Variants in SS18 observed in about 807,000 individuals in gnomAD.
SS18 encodes the protein protein SSXT.
Under a neutral mutation model 72.5 loss-of-function variants are expected in SS18, and 28 were observed. The ratio of observed to expected loss-of-function variants is 0.39; its 90% CI spans 0.29 to 0.53. SS18 has a LOEUF of 0.53. SS18 is among the 20% of genes least tolerant of loss of function. The probability of loss-of-function intolerance (pLI) is 0.76; values close to 1 mark genes in which losing one functional copy is unlikely to be tolerated. For synonymous variants in SS18, 172 were observed against 164.2 expected (o/e 1.05, Z -0.37); for missense variants, 518 against 535.3 (o/e 0.97, Z 0.32).
intron 3 of SS18, among the ~76,000 whole-genome samples, chr18:26,063,410 T>C (rs1426238403): frequency 6.6e-6 from 1 of 152,070 alleles, no homozygotes; most frequent in East Asian, 1.9e-4. Context: ...TCCCAGCTAC[T>C]CAGGAGGCTG....
chr18:26,053,142 T>C (rs2053952393), intron 4 of SS18, among the ~76,000 whole-genome samples: 2 of 152,172 alleles, frequency 1.3e-5, no homozygotes, highest in African/African-American at 4.8e-5. Context: ...ACTATGAACA[T>C]AAATGAATAG....
At chr18:26,085,238 T>G (rs997953624) in intron 2 of SS18, among the ~76,000 whole-genome samples, 21 of 152,220 alleles carry the variant, frequency 1.4e-4, no homozygotes, top group Non-Finnish European at 1.3e-4. Context: ...TTATCACTGT[T>G]GCCCAGGCTG....
At chr18:26,055,282 C>T (rs1018665775) in intron 4 of SS18, among the ~76,000 whole-genome samples, 1 of 151,944 alleles carries the variant, frequency 6.6e-6, no homozygotes, top group African/African-American at 2.4e-5. Context: ...GCCTGGCCAA[C>T]ATGGTGAAAC....
At chr18:26,054,879 T>A (rs1459011183) in intron 4 of SS18, among the ~76,000 whole-genome samples, 1 of 152,048 alleles carries the variant, frequency 6.6e-6, no homozygotes, top group Non-Finnish European at 1.5e-5. Flanking sequence ...TAGCTGGGAT[T>A]ACAAGTGTGT....
intron 5 of SS18, among the ~76,000 whole-genome samples, chr18:26,045,125 C>G (rs1020353703): frequency 1.3e-5 from 2 of 152,218 alleles, no homozygotes; most frequent in African/African-American, 2.4e-5. Context: ...TTAAATACAA[C>G]AAGAGCCTCT....
intron 3 of SS18, among the ~76,000 whole-genome samples, chr18:26,066,748 A>G (rs2054226803): frequency 2.0e-5 from 3 of 152,110 alleles, no homozygotes. Flanking sequence ...TTCCTAAGAT[A>G]TTTGAAAAAG....
intron 5 of SS18, 43 bp downstream of exon 5, chr18:26,052,581 C>A (rs760521547): frequency 6.7e-7 from 1 of 1,500,686 alleles, no homozygotes; most frequent in Non-Finnish European, 9.3e-7. Context: ...TTTTCAAAGG[C>A]TAATAGAGCA....
intron 5 of SS18, among the ~76,000 whole-genome samples, chr18:26,043,920 A>G (rs561846577): frequency 6.6e-6 from 1 of 152,352 alleles, no homozygotes; most frequent in Admixed American, 6.5e-5. Flanking sequence ...ATTAAAAATA[A>G]TATCAATAAC....
Position 26,035,767 on chromosome 18 carries a change from G to A in SS18, c.973+64C>T. ...TTTGCATGGGTAGAAGTTGTCTTATGCAAGAATTTTCATTCCTGTAGAAGG... is the reference window on the plus strand; with the variant it reads ...TTTGCATGGGTAGAAGTTGTCTTATACAAGAATTTTCATTCCTGTAGAAGG... On this transcript the variant is annotated intron_variant, in intron 8 of 10. Transcript: ENST00000415083. This position sits in a 1 kb window ranked among gnomAD's most constrained non-coding sequence, Gnocchi z 4.4. The A allele has an allele frequency of 8.5e-7, 1 of 1,178,872 alleles. No individual in the cohort carries two copies. The highest frequency in any genetic ancestry group is 1.2e-6 in the Non-Finnish European group (1 of 841,148). 73.0% of individuals were successfully genotyped at this position (1,178,872 alleles called of 1,614,324 possible).
At chr18:26,040,635 C>T (rs992262695) in intron 5 of SS18, among the ~76,000 whole-genome samples, 16 of 152,176 alleles carry the variant, frequency 1.1e-4, no homozygotes, top group African/African-American at 3.9e-4. Flanking sequence ...TGACTTACAA[C>T]AGCAGCAATG....
At chr18:26,027,182 T>C (rs1219607800) in intron 10 of SS18, among the ~76,000 whole-genome samples, 2 of 152,182 alleles carry the variant, frequency 1.3e-5, no homozygotes, top group Non-Finnish European at 2.9e-5. Flanking sequence ...ACTACCTGAT[T>C]ATAAAACTTA....
chr18:26,072,822 A>AAAAAC (rs2054339381), intron 3 of SS18, among the ~76,000 whole-genome samples: 1 of 149,002 alleles, frequency 6.7e-6, no homozygotes, highest in African/African-American at 2.5e-5. Context: ...AAAAAAAAAA[A>AAAAAC]CCTTAAAAGA....
chr18:26,056,055 C>T (rs2054015709), intron 4 of SS18, among the ~76,000 whole-genome samples: 1 of 152,102 alleles, frequency 6.6e-6, no homozygotes, highest in South Asian at 2.1e-4. Flanking sequence ...CCGCGCCTGG[C>T]CTGGAGAAAT....
chr18:26,041,458 T>A (rs1472755253), intron 5 of SS18, among the ~76,000 whole-genome samples: 1 of 151,932 alleles, frequency 6.6e-6, no homozygotes, highest in Non-Finnish European at 1.5e-5. Context: ...CGAAACAAAT[T>A]CAGTAGTTCC....
At chr18:26,036,929 A>T (rs2053635893) in intron 7 of SS18, among the ~76,000 whole-genome samples, 1 of 152,126 alleles carries the variant, frequency 6.6e-6, no homozygotes, top group Non-Finnish European at 1.5e-5. Flanking sequence ...TTCATGCTAC[A>T]ATAAGAGTTC....
chr18:26,052,499 G>T (rs2053938987), intron 5 of SS18, 125 bp downstream of exon 5: 5 of 702,756 alleles, frequency 7.1e-6, no homozygotes, highest in Non-Finnish European at 1.2e-5. Context: ...TCCTTTTTAT[G>T]GGCATGACTG....
intron 5 of SS18, among the ~76,000 whole-genome samples, chr18:26,041,846 C>T (rs2053733012): frequency 2.6e-5 from 4 of 152,070 alleles, no homozygotes; most frequent in Admixed American, 1.3e-4. Context: ...AAAGACCATG[C>T]CACTTGTGCT....
In SS18 at chr18:26,053,221, C is replaced by T. The variant is rs188190742; in HGVS notation, c.386-376G>A. ...AAATACATAGCTGAGTAAATAATCA[C>T]AGTAATATTAAGTATTAGTGAGCAA... On this transcript the variant is annotated intron_variant, in intron 4 of 10. Coordinates refer to ENST00000415083, the MANE Select transcript of SS18 (RefSeq NM_001007559.3). Among the ~76,000 whole-genome samples the T allele has an allele frequency of 7.2e-5, 11 of 152,186 alleles. No homozygotes were observed. In the East Asian group the frequency reaches 2.1e-3, roughly 29 times the overall value.
intron 1 of SS18, among the ~76,000 whole-genome samples, chr18:26,088,853 C>G (rs1254873074): frequency 6.6e-6 from 1 of 151,702 alleles, no homozygotes; most frequent in Non-Finnish European, 1.5e-5. Flanking sequence ...CTTTTTTATG[C>G]ACGTGAATCA....
Sources: allele counts gnomAD v4.1 joint callset (sites outside exome capture counted in the v4.1 genomes callset), GRCh38; gene constraint gnomAD v4.1.1; non-coding constraint Gnocchi (gnomAD v3.1); transcripts MANE v1.5; gene names NCBI Gene and HGNC (gene_info 2026-07-23, HGNC 2026-07-21).